Variants in NMD3 observed in about 807,000 individuals in gnomAD.
NMD3 encodes the protein 60S ribosomal export protein NMD3.
NMD3 carries 47 observed loss-of-function variants against 73.1 expected under a neutral mutation model. That is an observed-to-expected ratio of 0.64 (90% CI 0.51 to 0.82). The LOEUF (loss-of-function observed/expected upper bound fraction) is 0.82. NMD3 is among the 40% of genes least tolerant of loss of function. NMD3 has a pLI of 0.00. For missense variants in NMD3, 554 were observed against 612.5 expected (o/e 0.90, Z 1.01); for synonymous variants, 210 against 194.5 (o/e 1.08, Z -0.66).
intron 4 of NMD3, among the ~76,000 whole-genome samples, chr3:161,228,078 G>C (rs1342090390): frequency 6.6e-6 from 1 of 151,984 alleles, no homozygotes; most frequent in African/African-American, 2.4e-5. Flanking sequence ...AAAATAGTTT[G>C]TTTAAAGTAC....
intron 15 of NMD3, among the ~76,000 whole-genome samples, 167 bp from the exon 16 acceptor site, chr3:161,250,613 C>G (rs560849597): frequency 3.7e-4 from 57 of 152,194 alleles, no homozygotes; most frequent in Middle Eastern, 3.4e-3. Context: ...TTCATTTGTT[C>G]AGTGAATGTA....
At position 161,242,599 on chromosome 3, in the gene NMD3, C is replaced by T. The variant is rs1737034326; in HGVS notation, c.963C>T (p.Cys321=). Residue 321 remains cysteine, a synonymous_variant, in exon 11 of 16, where the codon TGC becomes TGT. Coordinates refer to ENST00000351193, the MANE Select transcript of NMD3 (RefSeq NM_015938.5). ...TAGAGGAGTTTATTGTGATGGAATG[C>T]AGCATAGTCCAAGATATAAAACGTG... is the stretch of plus-strand genomic sequence containing the variant. ...KQLEEFIVME[C]SIVQDIKRAA... The T allele has an allele frequency of 6.2e-7, 1 of 1,613,424 alleles. No individual in the cohort carries two copies. Among genetic ancestry groups the T allele is most frequent in the South Asian group, 1.1e-5 (1 of 91,040 alleles).
At position 161,221,976 on chromosome 3, in the gene NMD3, TTTTTTTTTTTTTA is replaced by T. The variant is rs771924365; in HGVS notation, c.-20-17_-20-5del. On this transcript the variant is annotated splice_region_variant and splice_polypyrimidine_tract_variant and intron_variant, in intron 1 of 15. Coordinates refer to ENST00000351193, the MANE Select transcript of NMD3 (RefSeq NM_015938.5). The stretch of plus-strand genomic sequence containing the variant: ...ACATTCTCTTTTTTTTTTTTTTTTT[TTTTTTTTTTTTTA>T]AAAGAACTTAAGGCATACAGAACGA... The T allele has an allele frequency of 1.3e-4, 118 of 913,602 alleles. No individual in the cohort carries two copies. Among genetic ancestry groups the T allele is most frequent in the Non-Finnish European group, 1.4e-4 (99 of 693,450 alleles). 56.6% of individuals were successfully genotyped at this position (913,602 alleles called of 1,614,324 possible).
intron 2 of NMD3, among the ~76,000 whole-genome samples, chr3:161,223,444 T>TA (rs961133111): frequency 1.1e-3 from 167 of 149,898 alleles, no homozygotes; most frequent in African/African-American, 3.0e-3. Context: ...CCTATACTGT[T>TA]AAAAAAAAAA....
intron 10 of NMD3, among the ~76,000 whole-genome samples, chr3:161,242,127 CCTAT>C (rs1737006456): frequency 6.6e-6 from 1 of 152,036 alleles, no homozygotes; most frequent in Non-Finnish European, 1.5e-5. Context: ...ACATTCTTTA[CCTAT>C]CTGGTAGAAC....
intron 11 of NMD3, among the ~76,000 whole-genome samples, chr3:161,245,550 C>A (rs575231908): frequency 6.6e-6 from 1 of 151,054 alleles, no homozygotes; most frequent in Admixed American, 6.6e-5. Flanking sequence ...TTTTTCATTT[C>A]TTTTTCTTTG....
Position 161,251,638 on chromosome 3 carries a change from A to G in NMD3, c.*728A>G, listed in dbSNP as rs1737490382. 1 of 152,340 alleles carries G rather than the reference A, an allele frequency of 6.6e-6. No individual in the cohort carries two copies. Among genetic ancestry groups the G allele is most frequent in the Admixed American group, 6.5e-5 (1 of 15,300 alleles). 9.4% of individuals were successfully genotyped at this position (152,340 alleles called of 1,614,324 possible). A position where few individuals can be genotyped will look rare whatever the true frequency, so the allele number is the denominator to read the frequency against. On this transcript the variant is annotated 3_prime_UTR_variant, in exon 16 of 16. Coordinates refer to ENST00000351193, the MANE Select transcript of NMD3 (RefSeq NM_015938.5). Reference sequence around the variant, plus strand: ...GTTTAGGGCAGTAGCTGCTTTTGTCATAAATATCTTCCTACCACATCAAAA... The same window carrying G: ...GTTTAGGGCAGTAGCTGCTTTTGTCGTAAATATCTTCCTACCACATCAAAA...
chr3:161,225,153 T>C, intron 3 of NMD3, 89 bp downstream of exon 3: 1 of 1,325,700 alleles, frequency 7.5e-7, no homozygotes, highest in African/African-American at 1.5e-5. Flanking sequence ...CGAAGGTATA[T>C]GGAGTAAAGT....
chr3:161,253,434 C>T (rs1711519493), downstream of NMD3: 1 of 152,146 alleles, frequency 6.6e-6, no homozygotes, highest in African/African-American at 2.4e-5. Context: ...TACCATTTAC[C>T]TAGATTTGCC....
intron 4 of NMD3, among the ~76,000 whole-genome samples, chr3:161,227,784 G>A (rs931727318): frequency 2.0e-5 from 3 of 151,966 alleles, no homozygotes; most frequent in African/African-American, 4.8e-5. Flanking sequence ...GTTGCCAGTA[G>A]CACCCCACTA....
intron 2 of NMD3, among the ~76,000 whole-genome samples, chr3:161,223,493 A>G (rs541478283): frequency 2.0e-4 from 19 of 95,132 alleles, no homozygotes; most frequent in Non-Finnish European, 5.5e-5. Context: ...AGCAGTCCTT[A>G]TGCTTTTTTT....
chr3:161,228,465 T>C (rs937961833), intron 4 of NMD3, among the ~76,000 whole-genome samples: 85 of 152,270 alleles, frequency 5.6e-4, no homozygotes, highest in African/African-American at 1.9e-3. Context: ...AGTAGTAATG[T>C]TTTTAAGTTC....
intron 1 of NMD3, 109 bp from the exon 2 acceptor site, chr3:161,221,877 GAATATATT>G (rs1270574706): frequency 1.6e-6 from 1 of 630,414 alleles, no homozygotes; most frequent in Non-Finnish European, 2.6e-6. Flanking sequence ...GAAGTTCTGT[GAATATATT>G]AATTATTCAG....
intron 10 of NMD3, among the ~76,000 whole-genome samples, chr3:161,242,006 T>C (rs1737002719): frequency 6.6e-6 from 1 of 152,072 alleles, no homozygotes; most frequent in African/African-American, 2.4e-5. Context: ...TTCTGTAATA[T>C]AAGTTTCCTT....
intron 11 of NMD3, among the ~76,000 whole-genome samples, chr3:161,244,879 C>G (rs1012874635): frequency 2.0e-5 from 3 of 151,992 alleles, no homozygotes; most frequent in Admixed American, 2.0e-4. Flanking sequence ...TGAGCATGAG[C>G]GCCTGCCCTT....
intron 11 of NMD3, among the ~76,000 whole-genome samples, chr3:161,244,329 A>G (rs1490247819): frequency 6.6e-6 from 1 of 152,114 alleles, no homozygotes; most frequent in East Asian, 1.9e-4. Context: ...TGGGGTCTCC[A>G]TGTTACTCAG....
At chr3:161,227,097 C>A (rs1210261454) in intron 3 of NMD3, 150 bp from the exon 4 acceptor site, 1 of 469,720 alleles carries the variant, frequency 2.1e-6, no homozygotes, top group Non-Finnish European at 3.8e-6. Context: ...AGTTTTGGAA[C>A]CATTAAAATA....
In NMD3 at chr3:161,221,977, TTTTTTTTTTTTA is replaced by T. The variant is rs1560061578; in HGVS notation, c.-20-16_-20-5del. 2.7e-5 allele frequency: 32 copies of T among 1,195,424 alleles called. No individual in the cohort carries two copies. Among genetic ancestry groups the T allele is most frequent in the Non-Finnish European group, 3.4e-5 (30 of 892,774 alleles). 74.1% of individuals were successfully genotyped at this position (1,195,424 alleles called of 1,614,324 possible). On this transcript the variant is annotated splice_region_variant and splice_polypyrimidine_tract_variant and intron_variant, in intron 1 of 15. Transcript: ENST00000351193. ...CATTCTCTTTTTTTTTTTTTTTTTT[TTTTTTTTTTTTA>T]AAAGAACTTAAGGCATACAGAACGA...
chr3:161,238,079 A>G lies in NMD3; in HGVS notation c.578-34A>G, dbSNP rs367569897. 10 of 1,434,054 alleles carry G rather than the reference A, an allele frequency of 7.0e-6. No homozygotes were observed. In the African/African-American group the frequency reaches 1.2e-4, roughly 18 times the overall value. 88.8% of individuals were successfully genotyped at this position (1,434,054 alleles called of 1,614,324 possible). On this transcript the variant is annotated intron_variant, in intron 7 of 15. Coordinates refer to ENST00000351193, the MANE Select transcript of NMD3 (RefSeq NM_015938.5). ...GTAGAGGAGAATCCTATTTTGCATAATTATTTTCATAGGGCTTTTTTTTTT... is the reference window on the plus strand; with the variant it reads ...GTAGAGGAGAATCCTATTTTGCATAGTTATTTTCATAGGGCTTTTTTTTTT...
Sources: gnomAD v4.1 joint callset for allele counts (sites outside exome capture counted in the v4.1 genomes callset) on GRCh38, gnomAD v4.1.1 for gene constraint, MANE v1.5 for transcripts, NCBI Gene and HGNC (gene_info 2026-07-23, HGNC 2026-07-21) for gene names.